The following KCNIP2 variants were observed in gnomAD, a reference collection of about 807,000 sequenced individuals.
KCNIP2 encodes the protein A-type potassium channel modulatory protein KCNIP2.
KCNIP2 carries 19 observed loss-of-function variants against 39.0 expected under a neutral mutation model. The ratio of observed to expected loss-of-function variants is 0.49; its 90% CI spans 0.34 to 0.71. The LOEUF is 0.71. Ranked by LOEUF, KCNIP2 falls within the 30% of genes least tolerant of loss-of-function variation. The probability of loss-of-function intolerance (pLI) is 0.01; values close to 1 mark genes in which losing one functional copy is unlikely to be tolerated. For synonymous variants in KCNIP2, 111 were observed against 131.2 expected (o/e 0.85, Z 1.05); for missense variants, 261 against 346.0 (o/e 0.75, Z 1.95).
intron 1 of KCNIP2, among the ~76,000 whole-genome samples, chr10:101,835,080 T>C (rs1283366340): frequency 2.0e-5 from 3 of 152,104 alleles, no homozygotes; most frequent in Non-Finnish European, 4.4e-5. Context: ...GGGAGTGAGG[T>C]TCCTGTGTTT....
chr10:101,840,550 ACC>A lies in KCNIP2; in HGVS notation c.73+2944_73+2945del, dbSNP rs5787446. Among the ~76,000 whole-genome samples, 586 of 96,078 alleles carry A rather than the reference ACC, an allele frequency of 6.1e-3. 2 individuals carry two copies. The highest frequency in any genetic ancestry group is 0.013 in the Middle Eastern group (2 of 152). The allele number at this position is 96,078 out of a possible 152,430, so 63.0% of individuals were successfully genotyped here. ...ATGCTTCGAGAAGAGCCCCCCCCGCACCCCCCCCCCACTTCGGTCCCGCTGCG... is the reference window on the plus strand; with the variant it reads ...ATGCTTCGAGAAGAGCCCCCCCCGCACCCCCCCCACTTCGGTCCCGCTGCG... On this transcript the variant is annotated intron_variant, in intron 1 of 9. Transcript: ENST00000356640.
rs1359852602 is a variant in KCNIP2, at chr10:101,838,915, CAT to C, written c.73+4579_73+4580del. On this transcript the variant is annotated intron_variant, in intron 1 of 9. Transcript: ENST00000356640. This position sits in a 1 kb window ranked among gnomAD's most constrained non-coding sequence, Gnocchi z 4.0. Reference sequence around the variant, plus strand: ...GTTCTATGGGCCCTGCCCAAGCAGTCATAAGGAAATGCAAGTGGAGATGTGCA... The same window carrying C: ...GTTCTATGGGCCCTGCCCAAGCAGTCAAGGAAATGCAAGTGGAGATGTGCA... 6.6e-6 allele frequency among the ~76,000 whole-genome samples: 1 copy of C among 152,166 alleles called. No individual in the cohort carries two copies. Among genetic ancestry groups the C allele is most frequent in the Admixed American group, 6.5e-5 (1 of 15,280 alleles).
Position 101,835,852 on chromosome 10 carries a change from G to A in KCNIP2, c.74-4685C>T, listed in dbSNP as rs549737829. Among the ~76,000 whole-genome samples the A allele has an allele frequency of 3.6e-4, 55 of 152,264 alleles. No homozygotes were observed. The South Asian group carries it at 0.011, about 29-fold the overall frequency. On this transcript the variant is annotated intron_variant, in intron 1 of 9. Transcript: ENST00000356640. Reference sequence around the variant, plus strand: ...CGAATTTTCACAATAAGCCTATGAAGGCATACTATTATCCTCATATTACAG... The same window carrying A: ...CGAATTTTCACAATAAGCCTATGAAAGCATACTATTATCCTCATATTACAG...
chr10:101,842,448 G>C (rs1328074156), intron 1 of KCNIP2, among the ~76,000 whole-genome samples: 2 of 152,246 alleles, frequency 1.3e-5, no homozygotes, highest in Non-Finnish European at 2.9e-5. Flanking sequence ...TTCTAGCTCT[G>C]TCTCTGGAGG....
rs1279563103 is a variant in KCNIP2, at chr10:101,827,157, C to A, written c.*196G>T. 2 of 1,269,570 alleles carry A rather than the reference C, an allele frequency of 1.6e-6. No individual in the cohort carries two copies. Among genetic ancestry groups the A allele is most frequent in the Admixed American group, 3.2e-5 (1 of 30,906 alleles). 78.6% of individuals were successfully genotyped at this position (1,269,570 alleles called of 1,614,324 possible). A position where few individuals can be genotyped will look rare whatever the true frequency, so the allele number is the denominator to read the frequency against. On this transcript the variant is annotated 3_prime_UTR_variant, in exon 10 of 10. Transcript: ENST00000356640. Reference sequence around the variant, plus strand: ...AGCTGGTGGGAGTTGGGAACACCCCCCGAGATGCACTCTGCCCACTCTCTG... The same window carrying A: ...AGCTGGTGGGAGTTGGGAACACCCCACGAGATGCACTCTGCCCACTCTCTG...
intron 1 of KCNIP2, among the ~76,000 whole-genome samples, chr10:101,837,932 CCCTGGACCTGGCCCTGGCCCT>C (rs2066213737): frequency 6.6e-6 from 1 of 152,246 alleles, no homozygotes; most frequent in African/African-American, 2.4e-5. Context: ...CAGCCAGTTG[CCCTGGACCTGGCCCTGGCCCT>C]GGCCCCTCCT....
intron 1 of KCNIP2, among the ~76,000 whole-genome samples, chr10:101,831,740 T>C (rs1044748714): frequency 6.6e-6 from 1 of 152,094 alleles, no homozygotes; most frequent in Non-Finnish European, 1.5e-5. Context: ...TGGAGACCCA[T>C]ATAGGCCATC....
At chr10:101,833,118 T>G (rs1260134003) in intron 1 of KCNIP2, among the ~76,000 whole-genome samples, 1 of 152,148 alleles carries the variant, frequency 6.6e-6, no homozygotes, top group Non-Finnish European at 1.5e-5. Flanking sequence ...TTTTTCCAGT[T>G]CTTCCAGGTA....
chr10:101,833,140 G>A (rs2066048738), intron 1 of KCNIP2, among the ~76,000 whole-genome samples: 1 of 152,102 alleles, frequency 6.6e-6, no homozygotes, highest in Admixed American at 6.5e-5. Flanking sequence ...CTACCCTGCA[G>A]TCCTCCATCA....
chr10:101,834,518 C>T (rs1351770544), intron 1 of KCNIP2: 2 of 397,348 alleles, frequency 5.0e-6, no homozygotes, highest in Admixed American at 8.8e-5. Flanking sequence ...CTTCCTCTCC[C>T]CCATCACCCC....
rs748625236 is a variant in KCNIP2, at chr10:101,843,522, A to C, written c.47T>G (p.Leu16Arg). Residue 16 changes from leucine to arginine, a missense_variant, in exon 1 of 10, where the codon CTG becomes CGG. By Grantham distance (102) the Leu-to-Arg change is moderately radical. Coordinates refer to ENST00000356640, the MANE Select transcript of KCNIP2 (RefSeq NM_173191.3). This position sits in a 1 kb window ranked among gnomAD's most constrained non-coding sequence, Gnocchi z 6.7. Reference protein sequence around the residue: ...RKESLSDSRDLDGSYDQLTGH... With the variant: ...RKESLSDSRDRDGSYDQLTGH... ...CGTGAGCTGGTCGTAGGAGCCGTCC[A>C]GGTCTCGGGAATCGGACAAACTCTC... 4 of 1,581,304 alleles carry C rather than the reference A, an allele frequency of 2.5e-6. No homozygotes were observed. The Admixed American group carries it at 5.3e-5, about 21-fold the overall frequency.
chr10:101,841,959 C>A (rs1413558708), intron 1 of KCNIP2, among the ~76,000 whole-genome samples: 2 of 152,260 alleles, frequency 1.3e-5, no homozygotes, highest in Non-Finnish European at 2.9e-5. Flanking sequence ...CTCTGAGGCA[C>A]ATCTGGCATG....
chr10:101,840,464 A>G (rs1231705322), intron 1 of KCNIP2, among the ~76,000 whole-genome samples: 2 of 149,550 alleles, frequency 1.3e-5, no homozygotes, highest in African/African-American at 5.0e-5. Context: ...AACTGTTTCT[A>G]TTTGTGTTTG....
At chr10:101,836,968 A>T (rs142198556) in intron 1 of KCNIP2, among the ~76,000 whole-genome samples, 3,637 of 152,214 alleles carry the variant, frequency 0.024, 49 homozygotes, top group South Asian at 0.054. Context: ...CTCAAAAAAA[A>T]AATAATAATA....
intron 1 of KCNIP2, among the ~76,000 whole-genome samples, chr10:101,835,800 A>G (rs1355963728): frequency 1.3e-5 from 2 of 152,246 alleles, no homozygotes; most frequent in Non-Finnish European, 2.9e-5. Context: ...TAGATAATGC[A>G]CTATGTGCTT....
intron 3 of KCNIP2, 129 bp from the exon 4 acceptor site, chr10:101,829,328 C>G: frequency 8.0e-7 from 1 of 1,249,876 alleles, no homozygotes; most frequent in Non-Finnish European, 1.1e-6. Flanking sequence ...TGCCAGTTCC[C>G]TGGGCCCCGA....
chr10:101,828,262 G>A lies in KCNIP2; in HGVS notation c.490-4C>T. ...CGGACAAACCAGCCACAAAGTCCTGGGAAGGAGGCAGGAGGGAGCTGTGTC... is the reference window on the plus strand; with the variant it reads ...CGGACAAACCAGCCACAAAGTCCTGAGAAGGAGGCAGGAGGGAGCTGTGTC... On this transcript the variant is annotated splice_polypyrimidine_tract_variant and splice_region_variant and intron_variant, in intron 6 of 9. Transcript: ENST00000356640. The surrounding 1 kb of genome is among the most constrained non-coding windows in gnomAD (Gnocchi z 6.6). The A allele has an allele frequency of 6.2e-7, 1 of 1,614,022 alleles. No individual in the cohort carries two copies. The highest frequency in any genetic ancestry group is 8.5e-7 in the Non-Finnish European group (1 of 1,179,918).
chr10:101,843,336 A>G lies in KCNIP2; in HGVS notation c.73+160T>C, dbSNP rs1387244780. On this transcript the variant is annotated intron_variant, in intron 1 of 9. Transcript: ENST00000356640. The surrounding 1 kb of genome is among the most constrained non-coding windows in gnomAD (Gnocchi z 6.7). ...TCCTCCCCAACCCCTGCGGGACCCAAGGCTTTGAACCCCCAGTGTCCTGCC... is the reference window on the plus strand; with the variant it reads ...TCCTCCCCAACCCCTGCGGGACCCAGGGCTTTGAACCCCCAGTGTCCTGCC... 1.1e-4 allele frequency among the ~76,000 whole-genome samples: 16 copies of G among 152,138 alleles called. No individual in the cohort carries two copies. The highest frequency in any genetic ancestry group is 1.0e-3 in the Admixed American group (16 of 15,278).
chr10:101,834,416 C>T (rs761630035), intron 1 of KCNIP2: 42 of 398,958 alleles, frequency 1.1e-4, no homozygotes, highest in Admixed American at 2.2e-4. Flanking sequence ...TCAGATACGC[C>T]GGTTCACCGC....
Sources: gnomAD v4.1 joint callset for allele counts (sites outside exome capture counted in the v4.1 genomes callset) on GRCh38, gnomAD v4.1.1 for gene constraint, Gnocchi (gnomAD v3.1) non-coding constraint, MANE v1.5 for transcripts, NCBI Gene and HGNC (gene_info 2026-07-23, HGNC 2026-07-21) for gene names.